The following UNC5B variants were observed in gnomAD, a reference collection of about 807,000 sequenced individuals.
UNC5B encodes unc-5 netrin receptor B.
Under a neutral mutation model 103.7 loss-of-function variants are expected in UNC5B, and 56 were observed. That is an observed-to-expected ratio of 0.54 (90% CI 0.44 to 0.67). The LOEUF (loss-of-function observed/expected upper bound fraction) is 0.67, where lower values mean the gene tolerates loss of function less well. UNC5B is among the 30% of genes least tolerant of loss of function. The pLI is 0.00. For synonymous variants in UNC5B, 577 were observed against 542.0 expected, an observed-to-expected ratio of 1.06 and a Z score of -0.90; for missense variants, 1,194 against 1,284.5, an observed-to-expected ratio of 0.93 and a Z score of 1.08.
At chr10:71,285,460 G>T (rs374311165) in intron 4 of UNC5B, 31 bp downstream of exon 4, 2 of 1,532,942 alleles carry the variant, frequency 1.3e-6, no homozygotes, top group East Asian at 2.4e-5. Flanking sequence ...CACTGAGCAC[G>T]GCCCTGTGGC....
chr10:71,225,561 A>G (rs1346282509), intron 1 of UNC5B, among the ~76,000 whole-genome samples: 1 of 152,324 alleles, frequency 6.6e-6, no homozygotes, highest in Non-Finnish European at 1.5e-5. Flanking sequence ...TGGGTTTGAT[A>G]CTGTCTGAGC....
rs1845548597 is a variant in UNC5B at position 71,299,949 on chromosome 10, C to T, written c.*672C>T. 6.6e-6 allele frequency: 1 copy of T among 151,544 alleles called. No homozygotes were observed. Among genetic ancestry groups the T allele is most frequent in the Non-Finnish European group, 1.5e-5 (1 of 67,968 alleles). The allele number at this position is 151,544 out of a possible 1,614,324, so 9.4% of individuals were successfully genotyped here. On this transcript the variant is annotated 3_prime_UTR_variant, in exon 17 of 17. Transcript: ENST00000335350. ...GAAAAAAAAAGAAAATGAAAAACAA[C>T]ACAAAAAAAATAGAAAACTCTTTTC...
At chr10:71,268,793 G>A (rs1844579081) in intron 1 of UNC5B, among the ~76,000 whole-genome samples, 1 of 152,192 alleles carries the variant, frequency 6.6e-6, no homozygotes, top group South Asian at 2.1e-4. Flanking sequence ...CGTCCGGGCA[G>A]CCCCTAGACC....
chr10:71,225,839 C>T (rs1028917761), intron 1 of UNC5B, among the ~76,000 whole-genome samples: 5 of 152,066 alleles, frequency 3.3e-5, no homozygotes, highest in East Asian at 1.9e-4. Flanking sequence ...TGCTTGCCAC[C>T]GTGCCACACA....
At chr10:71,252,501 C>A (rs963687422) in intron 1 of UNC5B, among the ~76,000 whole-genome samples, 4 of 152,308 alleles carry the variant, frequency 2.6e-5, no homozygotes, top group Admixed American at 1.3e-4. Context: ...TTGCATTGTA[C>A]AAAAGAGGAA....
rs1187502414 is a variant in UNC5B, at chr10:71,300,877, C to G, written c.*1600C>G. The G allele has an allele frequency of 6.6e-6, 1 of 152,398 alleles. No individual in the cohort carries two copies. Among genetic ancestry groups the G allele is most frequent in the Non-Finnish European group, 1.5e-5 (1 of 68,190 alleles). The allele number at this position is 152,398 out of a possible 1,614,324, so 9.4% of individuals were successfully genotyped here. A position where few individuals can be genotyped will look rare whatever the true frequency, so the allele number is the denominator to read the frequency against. ...CTCCTCTCACCCACCCCGCTACGGT[C>G]TGAGAGATCTGAAATAACCTTTCCC... On this transcript the variant is annotated 3_prime_UTR_variant, in exon 17 of 17. Transcript: ENST00000335350.
chr10:71,266,912 C>A (rs548803946), intron 1 of UNC5B, among the ~76,000 whole-genome samples: 22 of 152,244 alleles, frequency 1.4e-4, no homozygotes, highest in Admixed American at 8.5e-4. Flanking sequence ...TCACTCCATC[C>A]TGCCCAGGAT....
intron 1 of UNC5B, among the ~76,000 whole-genome samples, chr10:71,227,089 A>G (rs577117087): frequency 5.3e-5 from 8 of 151,916 alleles, no homozygotes; most frequent in Admixed American, 2.6e-4. Flanking sequence ...GGTTCAAGCA[A>G]TTCTCCTGCC....
intron 1 of UNC5B, among the ~76,000 whole-genome samples, chr10:71,262,387 G>C (rs1419952433): frequency 6.6e-6 from 1 of 151,770 alleles, no homozygotes. Flanking sequence ...GGGGGGATGG[G>C]GCAGGGCCAG....
intron 1 of UNC5B, among the ~76,000 whole-genome samples, chr10:71,268,332 C>T (rs867565583): frequency 1.8e-4 from 27 of 152,256 alleles, no homozygotes; most frequent in African/African-American, 5.8e-4. Flanking sequence ...TCCTTTTTCT[C>T]TGTCCTTTCT....
At chr10:71,227,745 CATACAT>C (rs777093923) in intron 1 of UNC5B, among the ~76,000 whole-genome samples, 31 of 121,420 alleles carry the variant, frequency 2.6e-4, no homozygotes, top group African/African-American at 5.8e-4. Context: ...CACACACACA[CATACAT>C]ACCCTAGTCC....
At chr10:71,256,408 G>A (rs1216930967) in intron 1 of UNC5B, among the ~76,000 whole-genome samples, 1 of 152,230 alleles carries the variant, frequency 6.6e-6, no homozygotes, top group Non-Finnish European at 1.5e-5. Context: ...TGCCCTGCCT[G>A]GGCCCAGTGT....
At chr10:71,280,446 G>C (rs1056025354) in intron 2 of UNC5B, among the ~76,000 whole-genome samples, 3 of 152,228 alleles carry the variant, frequency 2.0e-5, no homozygotes, top group African/African-American at 7.2e-5. Context: ...TTTGTGGAAA[G>C]TGATACTGGT....
intron 1 of UNC5B, among the ~76,000 whole-genome samples, chr10:71,277,976 G>T (rs1243996364): frequency 2.0e-5 from 3 of 152,194 alleles, no homozygotes; most frequent in African/African-American, 7.2e-5. Flanking sequence ...GAGCTACGTA[G>T]ATCAATGATA....
chr10:71,255,028 T>C (rs1320664784), intron 1 of UNC5B, among the ~76,000 whole-genome samples: 3 of 152,236 alleles, frequency 2.0e-5, no homozygotes, highest in African/African-American at 7.2e-5. Context: ...TGTTTTATGA[T>C]GTCATCACAT....
intron 1 of UNC5B, among the ~76,000 whole-genome samples, chr10:71,274,023 G>A (rs903931836): frequency 6.6e-6 from 1 of 152,232 alleles, no homozygotes; most frequent in Non-Finnish European, 1.5e-5. Context: ...TCCAGACTGG[G>A]AAGTGCACTG....
At chr10:71,244,293 A>G (rs1572858) in intron 1 of UNC5B, among the ~76,000 whole-genome samples, 59,055 of 152,182 alleles carry the variant, frequency 0.39, 11,772 homozygotes, top group East Asian at 0.48. Context: ...GCCTGGGCCA[A>G]TGCCTGCTGG....
In UNC5B at chr10:71,213,675, AATTATTATTATTATT is replaced by A. The variant is rs5786026; in HGVS notation, c.79+631_79+645del. 4.5e-5 allele frequency among the ~76,000 whole-genome samples: 6 copies of A among 133,258 alleles called. No homozygotes were observed. The highest frequency in any genetic ancestry group is 2.3e-4 in the East Asian group (1 of 4,438). The allele number at this position is 133,258 out of a possible 152,430, so 87.4% of individuals were successfully genotyped here. A position where few individuals can be genotyped will look rare whatever the true frequency, so the allele number is the denominator to read the frequency against. Reference sequence around the variant, plus strand: ...ATCGCTGGGCCCGCAGGTCTGGAAGAATTATTATTATTATTATTATTATTATTATTATTAATTTTC... The same window carrying A: ...ATCGCTGGGCCCGCAGGTCTGGAAGAATTATTATTATTATTATTAATTTTC... On this transcript the variant is annotated intron_variant, in intron 1 of 16. Transcript: ENST00000335350. This position sits in a 1 kb window ranked among gnomAD's most constrained non-coding sequence, Gnocchi z 4.1.
intron 1 of UNC5B, among the ~76,000 whole-genome samples, chr10:71,254,833 C>G (rs1844255391): frequency 6.6e-6 from 1 of 152,200 alleles, no homozygotes; most frequent in Non-Finnish European, 1.5e-5. Flanking sequence ...CAGGCACTGA[C>G]CCTTTCTCCA....
Sources: gnomAD v4.1 joint callset for allele counts (sites outside exome capture counted in the v4.1 genomes callset) on GRCh38, gnomAD v4.1.1 for gene constraint, Gnocchi (gnomAD v3.1) non-coding constraint, MANE v1.5 for transcripts, NCBI Gene and HGNC (gene_info 2026-07-23, HGNC 2026-07-21) for gene names.